Variants in YTHDC2 observed in about 807,000 individuals in gnomAD.
YTHDC2 encodes the protein YTH N6-methyladenosine RNA binding protein C2, also known as 3'-5' RNA helicase YTHDC2.
YTHDC2 carries 45 observed loss-of-function variants against 174.9 expected under a neutral mutation model. The observed-to-expected ratio is 0.26, with a 90% CI of 0.20 to 0.33. The LOEUF is 0.33. YTHDC2 is among the 10% of genes least tolerant of loss of function. The probability of loss-of-function intolerance (pLI) is 1.00; values close to 1 mark genes in which losing one functional copy is unlikely to be tolerated. For missense variants in YTHDC2, 1,650 were observed against 1,723.7 expected (o/e 0.96, Z 0.76); for synonymous variants, 657 against 574.5 (o/e 1.14, Z -2.05).
chr5:113,589,431 A>ATATATATG, intron 26 of YTHDC2, among the ~76,000 whole-genome samples: 1 of 143,600 alleles, frequency 7.0e-6, no homozygotes, highest in South Asian at 2.1e-4. Flanking sequence ...ATATATATAT[A>ATATATATG]TGTATATATA....
At chr5:113,552,538 C>G (rs1776316662) in intron 12 of YTHDC2, among the ~76,000 whole-genome samples, 1 of 151,954 alleles carries the variant, frequency 6.6e-6, no homozygotes, top group African/African-American at 2.4e-5. Context: ...ATGGATATAC[C>G]AAGGTTTGTT....
At chr5:113,578,086 A>G (rs566555092) in intron 23 of YTHDC2, among the ~76,000 whole-genome samples, 90 of 152,246 alleles carry the variant, frequency 5.9e-4, no homozygotes, top group African/African-American at 1.9e-3. Flanking sequence ...CTGAATTTTA[A>G]AGGTTCAAAT....
intron 26 of YTHDC2, among the ~76,000 whole-genome samples, chr5:113,586,900 ATATT>A (rs1778713526): frequency 7.5e-6 from 1 of 132,684 alleles, no homozygotes; most frequent in African/African-American, 2.8e-5. Flanking sequence ...ATATAAATAT[ATATT>A]ATGTATTCAT....
chr5:113,550,019 CAT>C (rs1372318278), intron 12 of YTHDC2, among the ~76,000 whole-genome samples: 1 of 151,564 alleles, frequency 6.6e-6, no homozygotes, highest in East Asian at 1.9e-4. Flanking sequence ...GTAGAAAAAA[CAT>C]AAGAAAATTT....
chr5:113,556,376 C>G (rs1045856868), intron 17 of YTHDC2: 5 of 285,384 alleles, frequency 1.8e-5, no homozygotes, highest in African/African-American at 1.1e-4. Context: ...GCTTAAAAAA[C>G]AAAACCAAAA....
chr5:113,568,435 C>A (rs1280083874), intron 23 of YTHDC2, among the ~76,000 whole-genome samples: 1 of 152,040 alleles, frequency 6.6e-6, no homozygotes, highest in Non-Finnish European at 1.5e-5. Flanking sequence ...TAAAGGTGTG[C>A]CATGGTGGTT....
intron 10 of YTHDC2, among the ~76,000 whole-genome samples, chr5:113,543,964 T>G (rs1365082221): frequency 6.6e-6 from 1 of 152,210 alleles, no homozygotes; most frequent in African/African-American, 2.4e-5. Context: ...ATTTCCTTAC[T>G]CTCCTTTATT....
intron 17 of YTHDC2, among the ~76,000 whole-genome samples, chr5:113,557,894 G>A (rs1230488512): frequency 6.6e-6 from 1 of 152,218 alleles, no homozygotes; most frequent in East Asian, 1.9e-4. Context: ...TTTATCAAAA[G>A]TCTTCCCTGT....
At chr5:113,570,633 CT>C (rs1207042990) in intron 23 of YTHDC2, among the ~76,000 whole-genome samples, 1 of 151,994 alleles carries the variant, frequency 6.6e-6, no homozygotes, top group Non-Finnish European at 1.5e-5. Context: ...TTGACTTCCT[CT>C]TTTCCTATTT....
chr5:113,529,460 A>T (rs184918113), intron 4 of YTHDC2, among the ~76,000 whole-genome samples: 53 of 152,294 alleles, frequency 3.5e-4, no homozygotes, highest in African/African-American at 1.3e-3. Context: ...TTCACTGGTT[A>T]TTGTTCCATC....
Position 113,565,928 on chromosome 5 carries a change from A to G in YTHDC2, c.2751A>G (p.Arg917=). Reference sequence around the variant, plus strand: ...AAGCACGAAGTGATGGGTGGGAGCGAGCCTTTTGTGAAAAGAATTTTCTTT... The same window carrying G: ...AAGCACGAAGTGATGGGTGGGAGCGGGCCTTTTGTGAAAAGAATTTTCTTT... ...WQKARSDGWE[R]AFCEKNFLSQ... is the part of the protein sequence containing the mutation. Residue 917 remains arginine (R), a synonymous_variant, in exon 21 of 30, where the codon CGA becomes CGG. Transcript: ENST00000161863. 1 of 1,613,748 alleles carries G rather than the reference A, an allele frequency of 6.2e-7. No individual in the cohort carries two copies. The highest frequency in any genetic ancestry group is 8.5e-7 in the Non-Finnish European group (1 of 1,179,792).
intron 18 of YTHDC2, among the ~76,000 whole-genome samples, chr5:113,562,491 C>T (rs1777060584): frequency 6.6e-6 from 1 of 152,076 alleles, no homozygotes; most frequent in Non-Finnish European, 1.5e-5. Context: ...TTTTCTGTTC[C>T]TCCTGGGAGA....
At chr5:113,527,466 A>G (rs1258282923) in intron 4 of YTHDC2, among the ~76,000 whole-genome samples, 10 of 152,290 alleles carry the variant, frequency 6.6e-5, no homozygotes, top group South Asian at 4.1e-4. Flanking sequence ...AATTACTAAA[A>G]TTAGTTTGCT....
At chr5:113,543,007 T>C (rs909273281) in intron 10 of YTHDC2, among the ~76,000 whole-genome samples, 9 of 152,184 alleles carry the variant, frequency 5.9e-5, no homozygotes, top group Admixed American at 3.9e-4. Context: ...GATCTTTTTC[T>C]TTTTTTCTGA....
chr5:113,540,856 A>G (rs546237715), intron 8 of YTHDC2, 112 bp from the exon 9 acceptor site: 3 of 1,034,036 alleles, frequency 2.9e-6, no homozygotes, highest in East Asian at 2.7e-5. Context: ...TAACTACAGA[A>G]TAAGACCAAC....
At chr5:113,561,620 C>G (rs1038982916) in intron 18 of YTHDC2, among the ~76,000 whole-genome samples, 1 of 151,874 alleles carries the variant, frequency 6.6e-6, no homozygotes, top group Non-Finnish European at 1.5e-5. Context: ...AGGCGCCCAC[C>G]ACCGTGCCCA....
intron 23 of YTHDC2, among the ~76,000 whole-genome samples, chr5:113,568,253 A>G (rs1777481529): frequency 6.6e-6 from 1 of 152,096 alleles, no homozygotes; most frequent in African/African-American, 2.4e-5. Context: ...CCAAACTGTT[A>G]TTTTATATTT....
Position 113,565,983 on chromosome 5 carries a change from A to G in YTHDC2, c.2806A>G (p.Met936Val). Reference sequence around the variant, plus strand: ...GGCTACTATGGAAATAATCATAGGCATGAGAACACAGTTGCTTGGTCAACT... The same window carrying G: ...GGCTACTATGGAAATAATCATAGGCGTGAGAACACAGTTGCTTGGTCAACT... ...SQATMEIIIGMRTQLLGQLRA... is the reference protein window; with the variant it reads ...SQATMEIIIGVRTQLLGQLRA... The change falls in exon 21 of 30, where the codon ATG (methionine) becomes GTG (valine). Residue 936 changes from methionine to valine, a missense_variant. Met to Val is a conservative substitution (Grantham distance 21). Transcript: ENST00000161863. The G allele has an allele frequency of 6.2e-7, 1 of 1,612,826 alleles. No homozygotes were observed. The highest frequency in any genetic ancestry group is 2.2e-5 in the East Asian group (1 of 44,780).
In YTHDC2 at chr5:113,591,066, C is replaced by A. The variant is rs753244125; in HGVS notation, c.3851C>A (p.Pro1284Gln). Residue 1284 changes from proline (P) to glutamine (Q), a missense_variant, in exon 27 of 30, where the codon CCA (proline) becomes CAA (glutamine). Pro to Gln is a moderately conservative substitution (Grantham distance 76). Coordinates refer to ENST00000161863, the MANE Select transcript of YTHDC2 (RefSeq NM_022828.5). ...GKGSKSPSPR[P>Q]NMPVRYFIMK... ...GGCTCAAAATCTCCTTCGCCAAGAC[C>A]AAACATGCCTGTTCGATACTTCATA... 6.2e-7 allele frequency: 1 copy of A among 1,613,610 alleles called. No homozygotes were observed. Among genetic ancestry groups the A allele is most frequent in the African/African-American group, 1.3e-5 (1 of 74,884 alleles).
Sources: allele counts gnomAD v4.1 joint callset (sites outside exome capture counted in the v4.1 genomes callset), GRCh38; gene constraint gnomAD v4.1.1; transcripts MANE v1.5; gene names NCBI Gene and HGNC (gene_info 2026-07-23, HGNC 2026-07-21).